Variants in ADGRV1 observed in about 807,000 individuals in gnomAD.
ADGRV1 encodes adhesion G protein-coupled receptor V1, also known as G-protein coupled receptor 98.
In ADGRV1, 359 loss-of-function variants were observed where a neutral mutation model predicts 596.2. The ratio of observed to expected loss-of-function variants is 0.60; its 90% CI spans 0.55 to 0.66. ADGRV1 has a LOEUF of 0.66. Ranked by LOEUF, ADGRV1 falls within the 30% of genes least tolerant of loss-of-function variation. The pLI is 0.00. For synonymous variants in ADGRV1, 2,681 were observed against 2,679.2 expected, an observed-to-expected ratio of 1.00 and a Z score of -0.02; for missense variants, 7,274 against 7,575.6, an observed-to-expected ratio of 0.96 and a Z score of 1.48.
chr5:90,785,486 A>C (rs1186968424), intron 67 of ADGRV1, among the ~76,000 whole-genome samples: 1 of 152,238 alleles, frequency 6.6e-6, no homozygotes. Flanking sequence ...GAATGGGAGA[A>C]AATTTTTGCA....
At chr5:90,917,047 C>G (rs1050931779) in intron 83 of ADGRV1, among the ~76,000 whole-genome samples, 2 of 152,128 alleles carry the variant, frequency 1.3e-5, no homozygotes, top group African/African-American at 4.8e-5. Context: ...CATTTGATTT[C>G]TCTGTTGAAT....
At chr5:90,992,923 A>G (rs1032919888) in intron 85 of ADGRV1, among the ~76,000 whole-genome samples, 9 of 152,162 alleles carry the variant, frequency 5.9e-5, no homozygotes, top group African/African-American at 2.2e-4. Context: ...GTTTACATAT[A>G]CCTTTTATCC....
intron 83 of ADGRV1, among the ~76,000 whole-genome samples, chr5:90,901,246 T>A (rs1271277207): frequency 6.6e-6 from 1 of 152,146 alleles, no homozygotes; most frequent in African/African-American, 2.4e-5. Context: ...AATTCTTTAG[T>A]AGGTTAGTTT....
At chr5:90,588,301 A>G (rs780599343) in intron 1 of ADGRV1, among the ~76,000 whole-genome samples, 1 of 152,250 alleles carries the variant, frequency 6.6e-6, no homozygotes, top group African/African-American at 2.4e-5. Flanking sequence ...ACTTTCTTAT[A>G]TAGGTTTAAC....
Position 90,976,466 on chromosome 5 carries a change from TA to T in ADGRV1, c.17974-8877del, listed in dbSNP as rs1475294921. On this transcript the variant is annotated intron_variant, in intron 84 of 89. Transcript: ENST00000405460. Reference sequence around the variant, plus strand: ...TGGCTTCCAGTTGATGAAATTACATTATTTTTTGGGTATTGTGTTACTTTTT... The same window carrying T: ...TGGCTTCCAGTTGATGAAATTACATTTTTTTTGGGTATTGTGTTACTTTTT... Among the ~76,000 whole-genome samples the T allele has an allele frequency of 4.6e-5, 7 of 151,526 alleles. 1 individual carries two copies. The South Asian group carries it at 1.2e-3, about 27-fold the overall frequency.
chr5:90,693,746 T>G (rs1746794071), intron 32 of ADGRV1, 144 bp from the exon 33 acceptor site: 1 of 526,164 alleles, frequency 1.9e-6, no homozygotes. Context: ...GGGAGACAAG[T>G]GTAATTAAGA....
At chr5:90,611,974 C>T (rs1206480928) in intron 1 of ADGRV1, among the ~76,000 whole-genome samples, 5 of 151,804 alleles carry the variant, frequency 3.3e-5, no homozygotes, top group South Asian at 4.2e-4. Flanking sequence ...CAACTTTGCC[C>T]GAACAACTTT....
rs1207305522 is a variant in ADGRV1, at chr5:91,019,353, G to A, written c.18152+33831G>A. ...AGGAAAGTAGCAGTGGGCTTTTTGT[G>A]CATTCACCTTTGTGATTGTTGTCTC... On this transcript the variant is annotated intron_variant, in intron 85 of 89. Transcript: ENST00000405460. 2.0e-5 allele frequency among the ~76,000 whole-genome samples: 3 copies of A among 152,120 alleles called. No individual in the cohort carries two copies. In the East Asian group the frequency reaches 5.8e-4, roughly 30 times the overall value.
intron 83 of ADGRV1, among the ~76,000 whole-genome samples, chr5:90,910,041 A>G (rs1263515514): frequency 6.6e-6 from 1 of 152,222 alleles, no homozygotes; most frequent in Non-Finnish European, 1.5e-5. Flanking sequence ...TGACAGCAGG[A>G]CCTTACTCAT....
chr5:90,789,636 G>T (rs1759854911), intron 68 of ADGRV1, 66 bp from the exon 69 acceptor site: 3 of 948,866 alleles, frequency 3.2e-6, no homozygotes, highest in South Asian at 3.6e-5. Flanking sequence ...TTGTTAATAT[G>T]TTGGATACTA....
intron 78 of ADGRV1, among the ~76,000 whole-genome samples, chr5:90,843,062 A>G (rs1182354899): frequency 6.6e-6 from 1 of 152,202 alleles, no homozygotes; most frequent in Admixed American, 6.5e-5. Flanking sequence ...GATTCAATAT[A>G]TGGACACAAC....
chr5:90,652,260 G>C, intron 18 of ADGRV1, 86 bp from the exon 19 acceptor site: 1 of 966,432 alleles, frequency 1.0e-6, no homozygotes, highest in Non-Finnish European at 1.5e-6. Context: ...ACAATAGATA[G>C]TAAAAATATG....
intron 31 of ADGRV1, among the ~76,000 whole-genome samples, chr5:90,691,384 CTTTT>C (rs34426784): frequency 1.6e-5 from 2 of 123,442 alleles, no homozygotes; most frequent in East Asian, 2.4e-4. Flanking sequence ...AAACTTTTTT[CTTTT>C]TTTTTTTTTT....
intron 42 of ADGRV1, among the ~76,000 whole-genome samples, chr5:90,713,382 A>C (rs1165393900): frequency 6.7e-6 from 1 of 149,700 alleles, no homozygotes; most frequent in Non-Finnish European, 1.5e-5. Flanking sequence ...TTTCAAGTTC[A>C]AAGAGTATAT....
intron 83 of ADGRV1, among the ~76,000 whole-genome samples, chr5:90,894,725 G>A (rs1771138164): frequency 6.6e-6 from 1 of 151,880 alleles, no homozygotes; most frequent in South Asian, 2.1e-4. Context: ...CAAGACAATG[G>A]GTATCTATTT....
At chr5:90,633,042 T>C (rs914499418) in intron 9 of ADGRV1, among the ~76,000 whole-genome samples, 1 of 152,216 alleles carries the variant, frequency 6.6e-6, no homozygotes, top group Non-Finnish European at 1.5e-5. Context: ...CCTCATTCTT[T>C]AGTAACCCTC....
At chr5:90,692,129 GT>G (rs1414923178) in intron 31 of ADGRV1, among the ~76,000 whole-genome samples, 3 of 151,564 alleles carry the variant, frequency 2.0e-5, no homozygotes, top group Non-Finnish European at 2.9e-5. Flanking sequence ...AAACATTTCT[GT>G]TTTTTTCTCT....
At position 91,150,173 on chromosome 5, in the gene ADGRV1, A is replaced by T; in HGVS notation, c.18576A>T (p.Gly6192=). The T allele has an allele frequency of 6.3e-7, 1 of 1,593,266 alleles. No homozygotes were observed. The highest frequency in any genetic ancestry group is 1.7e-4 in the Middle Eastern group (1 of 5,938). ...CCGGGAGTGGAATGCCTCCTGCTGG[A>T]GGGGAAATCAGCAAGTCCACCCAGA... ...FTPGSGMPPA[G]GEISKSTQNL... is the part of the protein sequence containing the mutation. Residue 6192 remains glycine (G), a synonymous_variant, in exon 88 of 90, where the codon GGA becomes GGT. Transcript: ENST00000405460.
intron 87 of ADGRV1, among the ~76,000 whole-genome samples, chr5:91,127,540 C>CAA (rs11406300): frequency 0.081 from 10,167 of 125,300 alleles, 777 homozygotes; most frequent in African/African-American, 0.19. Context: ...CCAGTCTCAC[C>CAA]AAAAAAAAAA....
Sources: gnomAD v4.1 joint callset for allele counts (sites outside exome capture counted in the v4.1 genomes callset) on GRCh38, gnomAD v4.1.1 for gene constraint, MANE v1.5 for transcripts, NCBI Gene and HGNC (gene_info 2026-07-23, HGNC 2026-07-21) for gene names.